Variants in IGF1 observed in about 807,000 individuals in gnomAD.
IGF1 encodes insulin-like growth factor 1.
In IGF1, 4 loss-of-function variants were observed where a neutral mutation model predicts 13.8. The ratio of observed to expected loss-of-function variants is 0.29; its 90% CI spans 0.14 to 0.66. The LOEUF (loss-of-function observed/expected upper bound fraction) is 0.66. IGF1 is among the 30% of genes least tolerant of loss of function. The probability of loss-of-function intolerance (pLI) is 0.78; values close to 1 mark genes in which losing one functional copy is unlikely to be tolerated. For synonymous variants in IGF1, 76 were observed against 72.6 expected (o/e 1.05, Z -0.23); for missense variants, 124 against 188.5 (o/e 0.66, Z 2.00).
chr12:102,468,114 G>A (rs894447948), intron 2 of IGF1, among the ~76,000 whole-genome samples: 2 of 152,156 alleles, frequency 1.3e-5, no homozygotes, highest in Non-Finnish European at 2.9e-5. Flanking sequence ...TCAATAATCA[G>A]GTTCTTGGGT....
chr12:102,450,388 T>C (rs1212684244), intron 2 of IGF1, among the ~76,000 whole-genome samples: 1 of 152,254 alleles, frequency 6.6e-6, no homozygotes, highest in African/African-American at 2.4e-5. Flanking sequence ...TCCACTTTCT[T>C]TGTGAAGCAT....
At chr12:102,475,953 G>T (rs554078528) in intron 1 of IGF1, among the ~76,000 whole-genome samples, 154 bp from the exon 2 acceptor site, 1 of 152,320 alleles carries the variant, frequency 6.6e-6, no homozygotes, top group East Asian at 1.9e-4. Flanking sequence ...AGAACCCAGA[G>T]GGAGTTGTGG....
intron 2 of IGF1, among the ~76,000 whole-genome samples, chr12:102,428,458 G>C (rs1471279009): frequency 6.6e-6 from 1 of 151,894 alleles, no homozygotes; most frequent in Non-Finnish European, 1.5e-5. Flanking sequence ...AAGGAGACAA[G>C]CCCATCCATA....
chr12:102,475,695 A>T lies in IGF1; in HGVS notation c.168T>A (p.Ala56=), dbSNP rs200068272. The T allele has an allele frequency of 6.2e-7, 1 of 1,613,564 alleles. No homozygotes were observed. The highest frequency in any genetic ancestry group is 8.5e-7 in the Non-Finnish European group (1 of 1,179,434). Residue 56 remains alanine, a synonymous_variant, in exon 2 of 4, where the codon GCT becomes GCA. Transcript: ENST00000337514. The part of the protein sequence containing the change: ...ATAGPETLCG[A]ELVDALQFVC... ...CGAACTGAAGAGCATCCACCAGCTCAGCCCCGCAGAGCGTCTCCGGTCCAG... is the reference window on the plus strand; with the variant it reads ...CGAACTGAAGAGCATCCACCAGCTCTGCCCCGCAGAGCGTCTCCGGTCCAG...
intron 2 of IGF1, among the ~76,000 whole-genome samples, chr12:102,434,159 T>A (rs932309234): frequency 2.8e-4 from 42 of 152,072 alleles, no homozygotes; most frequent in African/African-American, 8.0e-4. Flanking sequence ...TTTTTTTTTT[T>A]TTATTATACT....
chr12:102,444,972 A>C (rs1328036657), intron 2 of IGF1, among the ~76,000 whole-genome samples: 1 of 152,048 alleles, frequency 6.6e-6, no homozygotes, highest in African/African-American at 2.4e-5. Flanking sequence ...ATGATACCCC[A>C]ACATCATTTA....
chr12:102,477,285 A>C (rs1419753395), intron 1 of IGF1, among the ~76,000 whole-genome samples: 2 of 152,176 alleles, frequency 1.3e-5, no homozygotes, highest in South Asian at 2.1e-4. Flanking sequence ...AAAAAAAAAA[A>C]AAACCAAAAC....
upstream of IGF1, among the ~76,000 whole-genome samples, chr12:102,480,894 T>A (rs1187937052): frequency 2.0e-5 from 3 of 152,158 alleles, no homozygotes; most frequent in African/African-American, 7.2e-5. Flanking sequence ...ACCTTACCAG[T>A]ATTAAAGGAA....
chr12:102,431,702 C>T (rs1876752847), intron 2 of IGF1, among the ~76,000 whole-genome samples: 1 of 152,108 alleles, frequency 6.6e-6, no homozygotes. Flanking sequence ...TTCTTGTGGG[C>T]ACATGATGCT....
intron 2 of IGF1, among the ~76,000 whole-genome samples, chr12:102,436,365 A>G (rs1046973673): frequency 6.6e-6 from 1 of 152,216 alleles, no homozygotes; most frequent in Non-Finnish European, 1.5e-5. Context: ...CCTTTTCTAA[A>G]TACTGAGTTC....
intron 1 of IGF1, among the ~76,000 whole-genome samples, chr12:102,476,551 A>G (rs185256815): frequency 1.3e-5 from 2 of 152,326 alleles, no homozygotes; most frequent in East Asian, 3.9e-4. Flanking sequence ...TGGCTCAAAT[A>G]GAAACCACTC....
intron 2 of IGF1, among the ~76,000 whole-genome samples, chr12:102,459,655 C>T (rs949933440): frequency 9.9e-5 from 15 of 152,016 alleles, no homozygotes; most frequent in South Asian, 4.2e-4. Flanking sequence ...ACAAGGTCAC[C>T]GGCTAAAAAC....
intron 3 of IGF1, among the ~76,000 whole-genome samples, chr12:102,407,629 A>G (rs1483480616): frequency 6.6e-6 from 1 of 152,200 alleles, no homozygotes; most frequent in Admixed American, 6.5e-5. Flanking sequence ...GAGGTAAAAA[A>G]TATCTAGTGC....
At chr12:102,463,185 A>C (rs1328303381) in intron 2 of IGF1, 1 of 152,220 alleles carries the variant, frequency 6.6e-6, no homozygotes. Flanking sequence ...AAATTACCCC[A>C]AAAAGAAATT....
intron 3 of IGF1, among the ~76,000 whole-genome samples, chr12:102,403,314 C>G (rs5742696): frequency 0.017 from 2,609 of 152,254 alleles, 30 homozygotes; most frequent in Non-Finnish European, 0.025. Flanking sequence ...GTATTAGCCA[C>G]TATTATCATT....
chr12:102,406,403 C>A (rs1704197666), intron 3 of IGF1, among the ~76,000 whole-genome samples: 1 of 152,212 alleles, frequency 6.6e-6, no homozygotes, highest in Non-Finnish European at 1.5e-5. Context: ...CAAGCAAAAA[C>A]TTTTCACTTC....
At chr12:102,449,033 C>A (rs1259806302) in intron 2 of IGF1, among the ~76,000 whole-genome samples, 1 of 152,188 alleles carries the variant, frequency 6.6e-6, no homozygotes, top group African/African-American at 2.4e-5. Flanking sequence ...TTTGACCCAG[C>A]AATCCCATTA....
At chr12:102,441,933 T>TCTTCTTCTCCTTCTCCTTCTCCTTCTC (rs1877827114) in intron 2 of IGF1, among the ~76,000 whole-genome samples, 1 of 133,902 alleles carries the variant, frequency 7.5e-6, no homozygotes, top group Admixed American at 8.5e-5. Context: ...TTCTTCTTCT[T>TCTTCTTCTCCTTCTCCTTCTCCTTCTC]CTTCTTCTTC....
At chr12:102,418,388 T>C (rs776212867) in intron 3 of IGF1, among the ~76,000 whole-genome samples, 2 of 152,346 alleles carry the variant, frequency 1.3e-5, no homozygotes, top group South Asian at 2.1e-4. Flanking sequence ...TCAGAGGGGC[T>C]CCCTGGGGTC....
Sources: gnomAD v4.1 joint callset for allele counts (sites outside exome capture counted in the v4.1 genomes callset) on GRCh38, gnomAD v4.1.1 for gene constraint, MANE v1.5 for transcripts, NCBI Gene and HGNC (gene_info 2026-07-23, HGNC 2026-07-21) for gene names.